The following DLG2 variants were observed in gnomAD, a reference collection of about 807,000 sequenced individuals.
The protein encoded by DLG2 is discs large MAGUK scaffold protein 2.
Under a neutral mutation model 132.5 loss-of-function variants are expected in DLG2, and 45 were observed. That is an observed-to-expected ratio of 0.34 (90% CI 0.27 to 0.44). The LOEUF (loss-of-function observed/expected upper bound fraction) is 0.44, where lower values mean the gene tolerates loss of function less well. Ranked by LOEUF, DLG2 falls within the 20% of genes least tolerant of loss-of-function variation. The probability of loss-of-function intolerance (pLI) is 1.00; values close to 1 mark genes in which losing one functional copy is unlikely to be tolerated. For missense variants in DLG2, 1,045 were observed against 1,196.9 expected (o/e 0.87, Z 1.87); for synonymous variants, 424 against 419.6 (o/e 1.01, Z -0.13).
chr11:83,947,288 T>C (rs1264561160), intron 14 of DLG2, among the ~76,000 whole-genome samples: 2 of 152,230 alleles, frequency 1.3e-5, no homozygotes, highest in Non-Finnish European at 2.9e-5. Context: ...AACATAGACT[T>C]TTCTTTTTGC....
At chr11:83,493,370 TCC>T (rs1390401011) in intron 21 of DLG2, among the ~76,000 whole-genome samples, 13 of 75,834 alleles carry the variant, frequency 1.7e-4, no homozygotes, top group Non-Finnish European at 3.6e-4. Context: ...CTTCCTTCCT[TCC>T]TTCCTTCCTT....
At chr11:84,098,681 C>T (rs1224713906) in intron 10 of DLG2, among the ~76,000 whole-genome samples, 1 of 152,166 alleles carries the variant, frequency 6.6e-6, no homozygotes, top group Non-Finnish European at 1.5e-5. Flanking sequence ...GATTTATCTT[C>T]ATCCCCTCCT....
intron 5 of DLG2, among the ~76,000 whole-genome samples, chr11:85,146,227 C>CTCT (rs1555384682): frequency 0.025 from 3,231 of 129,182 alleles, 49 homozygotes; most frequent in South Asian, 0.04. Context: ...TCTGTTTCTC[C>CTCT]CTCTCTCTCT....
At chr11:83,598,878 T>C (rs1594196309) in intron 19 of DLG2, among the ~76,000 whole-genome samples, 1 of 152,212 alleles carries the variant, frequency 6.6e-6, no homozygotes, top group Non-Finnish European at 1.5e-5. Context: ...TCTTCAAGGC[T>C]ACTGAGGTGT....
At chr11:85,067,980 C>G (rs151116622) in intron 6 of DLG2, among the ~76,000 whole-genome samples, 106 of 152,014 alleles carry the variant, frequency 7.0e-4, no homozygotes, top group African/African-American at 2.5e-3. Flanking sequence ...GTCCCTGGGA[C>G]GCAAGGCTGT....
intron 6 of DLG2, among the ~76,000 whole-genome samples, chr11:85,057,942 A>G (rs1405844426): frequency 6.6e-6 from 1 of 151,588 alleles, no homozygotes; most frequent in Admixed American, 6.6e-5. Context: ...AAAGGGAATG[A>G]CTTTAAACTG....
At chr11:85,042,627 T>G (rs1276859831) in intron 6 of DLG2, among the ~76,000 whole-genome samples, 3 of 151,970 alleles carry the variant, frequency 2.0e-5, no homozygotes, top group African/African-American at 7.2e-5. Flanking sequence ...CACAAAAAGG[T>G]ACTTACAAGT....
chr11:83,536,587 A>G (rs1166836721), intron 20 of DLG2, among the ~76,000 whole-genome samples: 1 of 150,672 alleles, frequency 6.6e-6, no homozygotes, highest in Non-Finnish European at 1.5e-5. Flanking sequence ...TTTTCTGGCA[A>G]CTAAAGCTCA....
chr11:83,973,708 A>AT (rs1457742939), intron 12 of DLG2, among the ~76,000 whole-genome samples: 3 of 152,006 alleles, frequency 2.0e-5, no homozygotes, highest in Non-Finnish European at 4.4e-5. Flanking sequence ...AAACCTAAAA[A>AT]AATAAAATAA....
chr11:85,149,457 G>A (rs745891656), intron 5 of DLG2, among the ~76,000 whole-genome samples: 30 of 152,058 alleles, frequency 2.0e-4, no homozygotes, highest in Non-Finnish European at 3.2e-4. Flanking sequence ...GGATGAAACA[G>A]GATAAATCTT....
intron 14 of DLG2, among the ~76,000 whole-genome samples, chr11:83,941,844 C>T (rs1200396024): frequency 9.9e-5 from 15 of 152,280 alleles, no homozygotes; most frequent in Non-Finnish European, 1.9e-4. Flanking sequence ...AAAAGTTGCT[C>T]ATATTATACA....
At chr11:84,424,494 A>T (rs927891969) in intron 7 of DLG2, among the ~76,000 whole-genome samples, 1 of 152,168 alleles carries the variant, frequency 6.6e-6, no homozygotes, top group East Asian at 1.9e-4. Context: ...TATTTACTCA[A>T]TTCTTATAAT....
intron 8 of DLG2, among the ~76,000 whole-genome samples, chr11:84,164,270 T>C (rs953497310): frequency 6.6e-6 from 1 of 152,214 alleles, no homozygotes; most frequent in Non-Finnish European, 1.5e-5. Context: ...TTTAAAATAA[T>C]CTAACAAATA....
At position 83,663,928 on chromosome 11, in the gene DLG2, TAA is replaced by T. The variant is rs201908556; in HGVS notation, c.1826-30605_1826-30604del. Among the ~76,000 whole-genome samples, 1,070 of 152,326 alleles carry T rather than the reference TAA, an allele frequency of 7.0e-3. 18 individuals are homozygous for T. The highest frequency in any genetic ancestry group is 0.025 in the African/African-American group (1,028 of 41,560). On this transcript the variant is annotated intron_variant, in intron 18 of 27. Coordinates refer to ENST00000376104, the MANE Select transcript of DLG2 (RefSeq NM_001142699.3). ...TTAATCTGCCTTCATTGTAATGTAT[TAA>T]AAAGAGTGTCACATTTGGAATCAAA...
At chr11:83,909,222 C>T (rs2075608676) in intron 15 of DLG2, among the ~76,000 whole-genome samples, 1 of 152,190 alleles carries the variant, frequency 6.6e-6, no homozygotes, top group South Asian at 2.1e-4. Flanking sequence ...TACTAAGTTG[C>T]TACACAACCT....
chr11:85,179,713 C>A (rs1032230251), intron 4 of DLG2, among the ~76,000 whole-genome samples: 2 of 151,594 alleles, frequency 1.3e-5, no homozygotes, highest in African/African-American at 4.8e-5. Flanking sequence ...CCTTAAATGG[C>A]GGAATAAGTC....
At chr11:85,479,139 T>TA (rs1277589849) in intron 3 of DLG2, among the ~76,000 whole-genome samples, 1 of 152,210 alleles carries the variant, frequency 6.6e-6, no homozygotes, top group East Asian at 1.9e-4. Flanking sequence ...CAATAATATT[T>TA]AACTAGTACA....
intron 21 of DLG2, among the ~76,000 whole-genome samples, chr11:83,528,794 G>A (rs1037200207): frequency 6.6e-6 from 1 of 152,120 alleles, no homozygotes; most frequent in Non-Finnish European, 1.5e-5. Context: ...AAACATTAGT[G>A]ATGCTGTATT....
intron 6 of DLG2, among the ~76,000 whole-genome samples, chr11:84,914,921 T>C (rs535898054): frequency 4.4e-4 from 67 of 152,320 alleles, no homozygotes; most frequent in African/African-American, 1.5e-3. Context: ...TTAGTTATTA[T>C]TATTAAGAAT....
Sources: gnomAD v4.1 joint callset for allele counts (sites outside exome capture counted in the v4.1 genomes callset) on GRCh38, gnomAD v4.1.1 for gene constraint, MANE v1.5 for transcripts, NCBI Gene and HGNC (gene_info 2026-07-23, HGNC 2026-07-21) for gene names.